MAPKAPK5: variants seen among roughly 807,000 people sequenced by gnomAD.
MAPKAPK5 encodes MAP kinase-activated protein kinase 5.
A neutral mutation model predicts 65.1 loss-of-function variants in MAPKAPK5; 30 were observed. That is an observed-to-expected ratio of 0.46 (90% confidence interval 0.34 to 0.63). MAPKAPK5 has a LOEUF of 0.63. MAPKAPK5 is among the 20% of genes least tolerant of loss of function. MAPKAPK5 has a pLI of 0.01. For missense variants in MAPKAPK5, 433 were observed against 581.4 expected (o/e 0.74, Z 2.63); for synonymous variants, 179 against 204.6 (o/e 0.87, Z 1.07).
intron 7 of MAPKAPK5, among the ~76,000 whole-genome samples, chr12:111,875,907 G>A (rs1258172204): frequency 1.3e-5 from 2 of 151,842 alleles, no homozygotes; most frequent in African/African-American, 4.8e-5. Context: ...TCTTTGATGG[G>A]TTCAAAAAAA....
Position 111,901,619 on chromosome 12 carries a change from G to C in MAPKAPK5, c.*8558G>C. ...CCCAGAAATAAAGCCAGAAGCAGCA[G>C]AAGTGGCCACAGAAGAAAAAGAAGA... On this transcript the variant is annotated 3_prime_UTR_variant, in exon 14 of 14. Coordinates refer to ENST00000550735, the MANE Select transcript of MAPKAPK5 (RefSeq NM_003668.4). 3.4e-6 allele frequency: 1 copy of C among 290,436 alleles called. No individual in the cohort carries two copies. The highest frequency in any genetic ancestry group is 3.2e-5 in the South Asian group (1 of 31,218). 18.0% of individuals were successfully genotyped at this position (290,436 alleles called of 1,614,324 possible). A position where few individuals can be genotyped will look rare whatever the true frequency, so the allele number is the denominator to read the frequency against.
At chr12:111,877,459 G>T (rs2070029281) in intron 7 of MAPKAPK5, among the ~76,000 whole-genome samples, 1 of 151,982 alleles carries the variant, frequency 6.6e-6, no homozygotes, top group African/African-American at 2.4e-5. Context: ...GGCCATTTTA[G>T]TGTATATGTA....
chr12:111,854,340 CA>C (rs1422015512), intron 1 of MAPKAPK5, among the ~76,000 whole-genome samples: 1 of 151,562 alleles, frequency 6.6e-6, no homozygotes, highest in African/African-American at 2.4e-5. Context: ...CTCCCTGGTT[CA>C]ACTGATTATT....
Position 111,890,116 on chromosome 12 carries a change from A to G in MAPKAPK5, c.1293A>G (p.Arg431=). ...ATAACCGGGAATGCAAACTCCTAAG[A>G]GATACTCTGCAGAGCTTCAGCTGGA... The part of the protein sequence containing the change: ...WKYNRECKLL[R]DTLQSFSWNG... The change falls in exon 13 of 14, where the codon AGA becomes AGG. Residue 431 remains arginine, a synonymous_variant. Transcript: ENST00000550735. 3.1e-6 allele frequency: 5 copies of G among 1,596,874 alleles called. No homozygotes were observed. Among genetic ancestry groups the G allele is most frequent in the Non-Finnish European group, 3.4e-6 (4 of 1,171,930 alleles).
chr12:111,886,139 C>G (rs1184776860), intron 10 of MAPKAPK5, 103 bp downstream of exon 10: 2 of 1,471,436 alleles, frequency 1.4e-6, no homozygotes, highest in African/African-American at 1.4e-5. Flanking sequence ...GCAGAGTACA[C>G]GATCCTTCCC....
chr12:111,896,624 TA>T lies in MAPKAPK5; in HGVS notation c.*3566del, dbSNP rs761609444. 44 of 152,358 alleles carry T rather than the reference TA, an allele frequency of 2.9e-4. No individual in the cohort carries two copies. Among genetic ancestry groups the T allele is most frequent in the Non-Finnish European group, 6.3e-4 (43 of 68,026 alleles). The allele number at this position is 152,358 out of a possible 1,614,324, so 9.4% of individuals were successfully genotyped here. ...CTATACCTGTGGAAACATAACACTGTAAATATAATTCTTATAAAGCAGCAGG... is the reference window on the plus strand; with the variant it reads ...CTATACCTGTGGAAACATAACACTGTAATATAATTCTTATAAAGCAGCAGG... On this transcript the variant is annotated 3_prime_UTR_variant, in exon 14 of 14. Coordinates refer to ENST00000550735, the MANE Select transcript of MAPKAPK5 (RefSeq NM_003668.4).
At chr12:111,861,445 C>T (rs1432021791) in intron 1 of MAPKAPK5, among the ~76,000 whole-genome samples, 1 of 152,062 alleles carries the variant, frequency 6.6e-6, no homozygotes, top group African/African-American at 2.4e-5. Flanking sequence ...TCTCCTGCCT[C>T]AACCTCCCAA....
intron 1 of MAPKAPK5, among the ~76,000 whole-genome samples, chr12:111,846,264 G>A (rs1398815754): frequency 1.3e-5 from 2 of 152,144 alleles, no homozygotes; most frequent in Non-Finnish European, 1.5e-5. Context: ...TCAGCAGATG[G>A]TGAGCACTGA....
intron 1 of MAPKAPK5, among the ~76,000 whole-genome samples, chr12:111,852,053 CATT>C (rs1482866431): frequency 6.6e-6 from 1 of 152,156 alleles, no homozygotes; most frequent in Non-Finnish European, 1.5e-5. Flanking sequence ...AAAAAATTGA[CATT>C]AGACAATTTG....
chr12:111,888,847 T>G (rs1282393460), intron 11 of MAPKAPK5, 38 bp from the exon 12 acceptor site: 29 of 1,606,590 alleles, frequency 1.8e-5, no homozygotes, highest in Non-Finnish European at 2.4e-5. Context: ...GTTTTTGGGG[T>G]CTCACGTTGT....
intron 7 of MAPKAPK5, chr12:111,879,387 GT>G (rs11330242): frequency 0.17 from 21,383 of 124,990 alleles, 1,364 homozygotes; most frequent in Middle Eastern, 0.24. Context: ...TTTAGAGTAG[GT>G]TTTTTTTTTT....
At chr12:111,892,341 T>A (rs1301677119) in intron 13 of MAPKAPK5, among the ~76,000 whole-genome samples, 2 of 152,376 alleles carry the variant, frequency 1.3e-5, no homozygotes, top group Non-Finnish European at 2.9e-5. Flanking sequence ...TCTTCATCTG[T>A]CTGGCTTTAG....
chr12:111,868,915 C>G, intron 5 of MAPKAPK5, 54 bp downstream of exon 5: 1 of 1,310,264 alleles, frequency 7.6e-7, no homozygotes, highest in Non-Finnish European at 1.1e-6. Context: ...TTAACAAGCA[C>G]AATTTCATTG....
chr12:111,842,911 C>T (rs1408386321), intron 1 of MAPKAPK5, 142 bp downstream of exon 1: 3 of 764,126 alleles, frequency 3.9e-6, no homozygotes, highest in Non-Finnish European at 5.5e-6. Flanking sequence ...GTGGATCGCG[C>T]TTTACAGCCC....
intron 10 of MAPKAPK5, among the ~76,000 whole-genome samples, chr12:111,887,205 T>C (rs2070432875): frequency 6.6e-6 from 1 of 152,156 alleles, no homozygotes; most frequent in Non-Finnish European, 1.5e-5. Flanking sequence ...CTTTCTAAGT[T>C]TAGCTGGAGC....
rs1230443890 is a variant in MAPKAPK5, at chr12:111,846,495, TTTTTC to T, written c.36+3731_36+3735del. Among the ~76,000 whole-genome samples the T allele has an allele frequency of 3.2e-3, 312 of 97,834 alleles. 2 individuals carry two copies. The East Asian group carries it at 0.12, about 37-fold the overall frequency. The allele number at this position is 97,834 out of a possible 152,430, so 64.2% of individuals were successfully genotyped here. ...CAGAAATCAATAATTCATAAGTTTC[TTTTTC>T]TTTTTTTTTTTTTTTGAGACGGTCT... is the stretch of plus-strand genomic sequence containing the variant. On this transcript the variant is annotated intron_variant, in intron 1 of 13. Transcript: ENST00000550735.
In MAPKAPK5 at chr12:111,901,140, A is replaced by ATGAG. The variant is rs1344608156; in HGVS notation, c.*8081_*8084dup. The stretch of plus-strand genomic sequence containing the variant: ...CTCATGTTGGAGCATGGATGCCTAT[A>ATGAG]TGAGTACTGACATTCCTGATGAAGG... On this transcript the variant is annotated 3_prime_UTR_variant, in exon 14 of 14. Coordinates refer to ENST00000550735, the MANE Select transcript of MAPKAPK5 (RefSeq NM_003668.4). 2.2e-6 allele frequency: 1 copy of ATGAG among 456,110 alleles called. No individual in the cohort carries two copies. Among genetic ancestry groups the ATGAG allele is most frequent in the Non-Finnish European group, 4.4e-6 (1 of 226,810 alleles). The allele number at this position is 456,110 out of a possible 1,614,324, so 28.3% of individuals were successfully genotyped here. A position where few individuals can be genotyped will look rare whatever the true frequency, so the allele number is the denominator to read the frequency against.
intron 3 of MAPKAPK5, among the ~76,000 whole-genome samples, chr12:111,866,670 C>T (rs141764746): frequency 0.013 from 1,912 of 152,282 alleles, 45 homozygotes; most frequent in African/African-American, 0.044. Flanking sequence ...AGTGCGATGG[C>T]GCAATCTCGG....
At chr12:111,884,988 C>G (rs776736627) in intron 9 of MAPKAPK5, among the ~76,000 whole-genome samples, 1 of 152,214 alleles carries the variant, frequency 6.6e-6, no homozygotes, top group Admixed American at 6.5e-5. Flanking sequence ...AAATCACCAT[C>G]TGTCTTGACA....
Sources: gnomAD v4.1 joint callset for allele counts (sites outside exome capture counted in the v4.1 genomes callset) on GRCh38, gnomAD v4.1.1 for gene constraint, MANE v1.5 for transcripts, NCBI Gene and HGNC (gene_info 2026-07-23, HGNC 2026-07-21) for gene names.